Variants in SPATA17 observed in about 807,000 individuals in gnomAD.
The protein encoded by SPATA17 is spermatogenesis associated 17.
In SPATA17, 53 loss-of-function variants were observed where a neutral mutation model predicts 62.2. The observed-to-expected ratio is 0.85, with a 90% CI of 0.68 to 1.07. The LOEUF (loss-of-function observed/expected upper bound fraction) is 1.07, where lower values mean the gene tolerates loss of function less well. Among genes scored for constraint, SPATA17 ranks in the 50% least tolerant of loss-of-function variants. The probability of loss-of-function intolerance (pLI) is 0.00; values close to 1 mark genes in which losing one functional copy is unlikely to be tolerated. For missense variants in SPATA17, 466 were observed against 425.5 expected, an observed-to-expected ratio of 1.10 and a Z score of -0.84; for synonymous variants, 146 against 146.8, an observed-to-expected ratio of 0.99 and a Z score of 0.04.
intron 7 of SPATA17, among the ~76,000 whole-genome samples, chr1:217,775,933 A>G (rs1379870408): frequency 6.6e-6 from 1 of 152,120 alleles, no homozygotes; most frequent in Non-Finnish European, 1.5e-5. Context: ...TAGATTTTTT[A>G]TGTAAAAATA....
At chr1:217,791,810 G>A (rs1221018590) in intron 8 of SPATA17, among the ~76,000 whole-genome samples, 1 of 152,154 alleles carries the variant, frequency 6.6e-6, no homozygotes, top group African/African-American at 2.4e-5. Flanking sequence ...GTTAGCTATG[G>A]AGATGTTTTA....
intron 8 of SPATA17, chr1:217,785,063 T>C (rs1673826464): frequency 6.6e-6 from 1 of 152,196 alleles, no homozygotes; most frequent in Non-Finnish European, 1.5e-5. Context: ...CATTAACTTC[T>C]GGTGGTTTGC....
At chr1:217,782,900 T>A (rs1372332077) in intron 8 of SPATA17, among the ~76,000 whole-genome samples, 1 of 151,866 alleles carries the variant, frequency 6.6e-6, no homozygotes, top group East Asian at 1.9e-4. Flanking sequence ...TAAGACACTT[T>A]GTCATCAATA....
At chr1:217,778,924 C>T (rs560901625) in intron 7 of SPATA17, among the ~76,000 whole-genome samples, 7 of 152,174 alleles carry the variant, frequency 4.6e-5, no homozygotes, top group African/African-American at 1.7e-4. Context: ...TGGCTTTCTT[C>T]CTCCATACCA....
chr1:217,857,166 G>A (rs768628369), intron 9 of SPATA17, among the ~76,000 whole-genome samples: 39 of 152,030 alleles, frequency 2.6e-4, no homozygotes, highest in Non-Finnish European at 5.1e-4. Flanking sequence ...GTGTAACAGC[G>A]CTGTCCCGCT....
At chr1:217,761,147 G>A (rs1020252458) in intron 6 of SPATA17, among the ~76,000 whole-genome samples, 3 of 152,158 alleles carry the variant, frequency 2.0e-5, no homozygotes, top group African/African-American at 7.2e-5. Context: ...ACCTCTCTGA[G>A]ATCTGCACAC....
intron 8 of SPATA17, among the ~76,000 whole-genome samples, chr1:217,795,362 CTT>C (rs71560537): frequency 1.4e-5 from 1 of 69,548 alleles, no homozygotes; most frequent in African/African-American, 5.6e-5. Context: ...ACAAAAGTCT[CTT>C]TTTTTTTTTT....
intron 5 of SPATA17, among the ~76,000 whole-genome samples, chr1:217,720,745 C>A (rs1312900659): frequency 2.6e-5 from 4 of 151,972 alleles, no homozygotes; most frequent in African/African-American, 9.7e-5. Context: ...CTAGAGAATA[C>A]AGAAATAGTA....
chr1:217,747,781 T>C (rs1044106808), intron 6 of SPATA17, among the ~76,000 whole-genome samples: 3 of 152,146 alleles, frequency 2.0e-5, no homozygotes, highest in African/African-American at 7.2e-5. Context: ...TGTCATAATT[T>C]ATACGATAGA....
rs188749538 is a variant in SPATA17 at position 217,864,714 on chromosome 1, C to A, written c.*2+1858C>A. Among the ~76,000 whole-genome samples the A allele has an allele frequency of 4.9e-3, 740 of 152,012 alleles. 3 individuals are homozygous for A. The highest frequency in any genetic ancestry group is 8.9e-3 in the Admixed American group (135 of 15,240). On this transcript the variant is annotated intron_variant, in intron 10 of 10. Coordinates refer to ENST00000366933, the MANE Select transcript of SPATA17 (RefSeq NM_138796.4). The stretch of plus-strand genomic sequence containing the variant: ...ATGTTTTAATGCAACCAGACGAAAG[C>A]CAAGTATTAAAACAAAACACTCCAG...
At chr1:217,858,831 C>T (rs946486741) in intron 9 of SPATA17, among the ~76,000 whole-genome samples, 1 of 151,942 alleles carries the variant, frequency 6.6e-6, no homozygotes, top group Admixed American at 6.6e-5. Flanking sequence ...AGTTCGAGAC[C>T]AGCCTGGCCA....
chr1:217,750,334 G>T (rs1357566191), intron 6 of SPATA17, among the ~76,000 whole-genome samples: 1 of 151,968 alleles, frequency 6.6e-6, no homozygotes, highest in East Asian at 1.9e-4. Flanking sequence ...AGAGTATAAA[G>T]ACCCAAATGG....
At chr1:217,697,734 C>T (rs1047293815) in intron 5 of SPATA17, among the ~76,000 whole-genome samples, 3 of 151,732 alleles carry the variant, frequency 2.0e-5, no homozygotes, top group African/African-American at 7.3e-5. Context: ...TAAATTTGAA[C>T]AACAAAAATC....
chr1:217,815,613 G>C (rs759778314), intron 9 of SPATA17, among the ~76,000 whole-genome samples: 1 of 152,164 alleles, frequency 6.6e-6, no homozygotes, highest in Non-Finnish European at 1.5e-5. Flanking sequence ...AGGTGACGTT[G>C]TGAAGGTGTT....
At chr1:217,739,276 T>C (rs1672577286) in intron 5 of SPATA17, among the ~76,000 whole-genome samples, 1 of 152,196 alleles carries the variant, frequency 6.6e-6, no homozygotes, top group African/African-American at 2.4e-5. Flanking sequence ...TTAATAAAAA[T>C]ATATTTGGCA....
At chr1:217,651,233 T>A in intron 3 of SPATA17, 55 bp downstream of exon 3, 1 of 1,351,998 alleles carries the variant, frequency 7.4e-7, no homozygotes, top group Non-Finnish European at 1.0e-6. Context: ...TGCTGTAACT[T>A]ACTCACTTTA....
At chr1:217,826,506 C>A (rs1675005070) in intron 9 of SPATA17, among the ~76,000 whole-genome samples, 1 of 151,974 alleles carries the variant, frequency 6.6e-6, no homozygotes, top group African/African-American at 2.4e-5. Context: ...ATCTGAAACT[C>A]AAGATAATTT....
At chr1:217,847,947 G>A (rs1317319748) in intron 9 of SPATA17, among the ~76,000 whole-genome samples, 2 of 151,964 alleles carry the variant, frequency 1.3e-5, no homozygotes, top group Non-Finnish European at 2.9e-5. Flanking sequence ...TGGGAGAATT[G>A]TTTGAGCATG....
chr1:217,663,348 G>A (rs1342865939), intron 3 of SPATA17, among the ~76,000 whole-genome samples: 7 of 151,774 alleles, frequency 4.6e-5, no homozygotes, highest in Non-Finnish European at 1.0e-4. Context: ...GGGAGGCTGA[G>A]ACGGGAGAAT....
Sources: allele counts gnomAD v4.1 joint callset (sites outside exome capture counted in the v4.1 genomes callset), GRCh38; gene constraint gnomAD v4.1.1; transcripts MANE v1.5; gene names NCBI Gene and HGNC (gene_info 2026-07-23, HGNC 2026-07-21).